The following GSK3B variants were observed in gnomAD, a reference collection of about 807,000 sequenced individuals.
The protein encoded by GSK3B is glycogen synthase kinase 3 beta, also known as glycogen synthase kinase-3 beta.
A neutral mutation model predicts 56.4 loss-of-function variants in GSK3B; 15 were observed. That is an observed-to-expected ratio of 0.27 (90% CI 0.18 to 0.41). The LOEUF (loss-of-function observed/expected upper bound fraction) is 0.41. Among genes scored for constraint, GSK3B ranks in the 10% least tolerant of loss-of-function variants. The pLI, the probability that GSK3B is intolerant of heterozygous loss-of-function variation, is 1.00. For synonymous variants in GSK3B, 181 were observed against 188.9 expected, an observed-to-expected ratio of 0.96 and a Z score of 0.34; for missense variants, 300 against 513.4, an observed-to-expected ratio of 0.58 and a Z score of 4.02.
At chr3:119,912,629 A>G in intron 6 of GSK3B, 75 bp downstream of exon 6, 1 of 609,740 alleles carries the variant, frequency 1.6e-6, no homozygotes, top group Non-Finnish European at 3.0e-6. Flanking sequence ...ATAAAAGTAC[A>G]GATTAGTAGT....
rs1010587753 is a variant in GSK3B, at chr3:119,825,891, T to TC, written c.*896dup. On this transcript the variant is annotated 3_prime_UTR_variant, in exon 11 of 11. Coordinates refer to ENST00000264235, the MANE Select transcript of GSK3B (RefSeq NM_001146156.2). ...AGTGGTGAGATGTATCCCTGACCTG[T>TC]CCCCTTCCTCTGGGCTCATCAGCCT... is the stretch of plus-strand genomic sequence containing the variant. The TC allele has an allele frequency of 1.4e-5, 3 of 217,754 alleles. No homozygotes were observed. Among genetic ancestry groups the TC allele is most frequent in the Admixed American group, 5.8e-5 (1 of 17,190 alleles). 13.5% of individuals were successfully genotyped at this position (217,754 alleles called of 1,614,324 possible).
Position 119,941,421 on chromosome 3 carries a change from T to C in GSK3B, c.366+5847A>G, listed in dbSNP as rs2057048018. Among the ~76,000 whole-genome samples the C allele has an allele frequency of 2.6e-5, 4 of 152,252 alleles. No homozygotes were observed. In the South Asian group the frequency reaches 8.3e-4, roughly 32 times the overall value. On this transcript the variant is annotated intron_variant, in intron 3 of 10. Transcript: ENST00000264235. ...ACTGCTTCTGGAGGAATGTACGTCC[T>C]ATGCTAAACACTATAGCATACTATA... is the stretch of plus-strand genomic sequence containing the variant.
At chr3:119,904,932 T>TC (rs1242317832) in intron 7 of GSK3B, among the ~76,000 whole-genome samples, 1 of 150,436 alleles carries the variant, frequency 6.6e-6, no homozygotes, top group Non-Finnish European at 1.5e-5. Context: ...AATGAAACAA[T>TC]CTAGTGATAT....
chr3:120,030,090 C>T (rs1458380211), intron 1 of GSK3B, among the ~76,000 whole-genome samples: 1 of 152,096 alleles, frequency 6.6e-6, no homozygotes, highest in African/African-American at 2.4e-5. Context: ...AAAATCACAT[C>T]CTCCTTGTTC....
intron 1 of GSK3B, among the ~76,000 whole-genome samples, chr3:120,048,181 T>C (rs1200663136): frequency 6.6e-6 from 1 of 152,194 alleles, no homozygotes; most frequent in Non-Finnish European, 1.5e-5. Context: ...CCTCAACTTA[T>C]AGGAAAAGAT....
intron 1 of GSK3B, among the ~76,000 whole-genome samples, chr3:120,024,931 T>C (rs2057910555): frequency 6.6e-6 from 1 of 152,152 alleles, no homozygotes; most frequent in Non-Finnish European, 1.5e-5. Flanking sequence ...GACTGCACAT[T>C]GTATGATCCT....
intron 3 of GSK3B, among the ~76,000 whole-genome samples, chr3:119,924,521 TA>T (rs779874943): frequency 6.6e-6 from 1 of 151,610 alleles, no homozygotes; most frequent in Non-Finnish European, 1.5e-5. Flanking sequence ...AAACTGTGTA[TA>T]AAAGAAGCAT....
At chr3:119,955,991 A>C (rs1271961066) in intron 2 of GSK3B, among the ~76,000 whole-genome samples, 2 of 152,108 alleles carry the variant, frequency 1.3e-5, no homozygotes, top group African/African-American at 4.8e-5. Context: ...TTTTAGGAAG[A>C]TTGCTATGAA....
At chr3:120,033,304 C>T (rs73175889) in intron 1 of GSK3B, among the ~76,000 whole-genome samples, 12,982 of 152,172 alleles carry the variant, frequency 0.085, 680 homozygotes, top group Non-Finnish European at 0.11. Flanking sequence ...ATGCTATGAA[C>T]ATGTGTATAT....
chr3:119,901,861 A>G (rs1426375206), intron 7 of GSK3B, among the ~76,000 whole-genome samples: 1 of 152,214 alleles, frequency 6.6e-6, no homozygotes, highest in African/African-American at 2.4e-5. Context: ...AAAACTTCAT[A>G]AAGCTTATTA....
At chr3:119,928,098 G>A (rs1252996546) in intron 3 of GSK3B, among the ~76,000 whole-genome samples, 3 of 152,204 alleles carry the variant, frequency 2.0e-5, no homozygotes, top group Non-Finnish European at 4.4e-5. Context: ...TCACAAGTGA[G>A]CAGGTGGCAG....
At chr3:119,856,813 G>A (rs773422571) in intron 9 of GSK3B, among the ~76,000 whole-genome samples, 2 of 152,030 alleles carry the variant, frequency 1.3e-5, no homozygotes, top group Non-Finnish European at 2.9e-5. Flanking sequence ...AATTTATCAT[G>A]GCTATTGTAA....
chr3:119,884,956 C>G (rs2056418569), intron 7 of GSK3B, among the ~76,000 whole-genome samples: 1 of 152,060 alleles, frequency 6.6e-6, no homozygotes, highest in Non-Finnish European at 1.5e-5. Context: ...ACTCACCACT[C>G]CTATTCAACA....
chr3:120,070,297 T>C (rs950523204), intron 1 of GSK3B, among the ~76,000 whole-genome samples: 2 of 150,366 alleles, frequency 1.3e-5, no homozygotes, highest in African/African-American at 4.9e-5. Flanking sequence ...AAAGAGGATA[T>C]AGAAAGGTAA....
chr3:120,087,653 A>G (rs1000866078), intron 1 of GSK3B, among the ~76,000 whole-genome samples: 1 of 152,330 alleles, frequency 6.6e-6, no homozygotes, highest in African/African-American at 2.4e-5. Context: ...GTTGTTAACC[A>G]TGGTACTCTG....
At chr3:120,028,364 C>A (rs777715867) in intron 1 of GSK3B, among the ~76,000 whole-genome samples, 1 of 152,172 alleles carries the variant, frequency 6.6e-6, no homozygotes, top group Non-Finnish European at 1.5e-5. Context: ...ATTTACCTCA[C>A]GAGAAACTAG....
At chr3:119,868,443 T>A (rs1244743809) in intron 8 of GSK3B, among the ~76,000 whole-genome samples, 1 of 152,226 alleles carries the variant, frequency 6.6e-6, no homozygotes, top group African/African-American at 2.4e-5. Flanking sequence ...GCCCTACATG[T>A]CCTAGAATAG....
At position 119,823,603 on chromosome 3, in the gene GSK3B, T is replaced by A. The variant is rs1298317511; in HGVS notation, c.*3185A>T. On this transcript the variant is annotated 3_prime_UTR_variant, in exon 11 of 11. Transcript: ENST00000264235. ...GCTTGTGGAAGAGACGAGCAAAATT[T>A]AATCTATTCGATATCCTCCAGCTCT... The A allele has an allele frequency of 2.2e-5, 4 of 184,640 alleles. No individual in the cohort carries two copies. The highest frequency in any genetic ancestry group is 9.4e-5 in the African/African-American group (4 of 42,578). The allele number at this position is 184,640 out of a possible 1,614,324, so 11.4% of individuals were successfully genotyped here.
At chr3:119,913,155 C>T (rs2056751691) in intron 5 of GSK3B, among the ~76,000 whole-genome samples, 1 of 152,006 alleles carries the variant, frequency 6.6e-6, no homozygotes, top group Admixed American at 6.6e-5. Context: ...AGGTACCTCC[C>T]CCACCAAAAA....
Sources: gnomAD v4.1 joint callset for allele counts (sites outside exome capture counted in the v4.1 genomes callset) on GRCh38, gnomAD v4.1.1 for gene constraint, MANE v1.5 for transcripts, NCBI Gene and HGNC (gene_info 2026-07-23, HGNC 2026-07-21) for gene names.